The following CCDC57 variants were observed in gnomAD, a reference collection of about 807,000 sequenced individuals.
CCDC57 encodes coiled-coil domain containing 57, also known as coiled-coil domain-containing protein 57.
Under a neutral mutation model 118.9 loss-of-function variants are expected in CCDC57, and 118 were observed. That is an observed-to-expected ratio of 0.99 (90% CI 0.86 to 1.16). The LOEUF is 1.16. Ranked by LOEUF, CCDC57 falls within the 50% of genes most tolerant of loss-of-function variation. CCDC57 has a pLI of 0.00. For missense variants in CCDC57, 1,300 were observed against 1,320.7 expected (o/e 0.98, Z 0.24); for synonymous variants, 527 against 532.9 (o/e 0.99, Z 0.15).
rs779310781 is a variant in CCDC57, at chr17:82,188,407, G to C, written c.864C>G (p.Leu288=). The C allele has an allele frequency of 3.1e-6, 5 of 1,610,952 alleles. No individual in the cohort carries two copies. The South Asian group carries it at 5.5e-5, about 18-fold the overall frequency. Residue 288 remains leucine (L), a synonymous_variant, in exon 8 of 20, where the codon CTC becomes CTG. Coordinates refer to ENST00000665763, the Ensembl canonical transcript of CCDC57. ...CATCCTTCTCCCTGGCCAGACGGTC[G>C]AGCTCCTCATGCCTGAAACACAGTG...
chr17:82,107,600 A>C (rs766259908), intron 19 of CCDC57: 40 of 470,548 alleles, frequency 8.5e-5, no homozygotes, highest in South Asian at 6.0e-4. Context: ...GTTGGTCTGC[A>C]GGTTCCAGAA....
chr17:82,108,119 C>T (rs2034995579), intron 19 of CCDC57, among the ~76,000 whole-genome samples: 1 of 152,240 alleles, frequency 6.6e-6, no homozygotes, highest in South Asian at 2.1e-4. Flanking sequence ...AGCTCAGAGT[C>T]AGAGGCCACA....
chr17:82,179,300 A>G (rs1471139610), intron 9 of CCDC57, 111 bp from the exon 9 acceptor site: 2 of 1,201,026 alleles, frequency 1.7e-6, no homozygotes, highest in South Asian at 1.5e-5. Context: ...CTGCTCTCGC[A>G]TGGCCTGCGC....
exon 15 of CCDC57, chr17:82,157,783 G>A (rs1377438657): frequency 1.2e-6 from 2 of 1,604,730 alleles, no homozygotes; most frequent in Non-Finnish European, 1.7e-6. Flanking sequence ...GAGGCTGGGG[G>A]CTGCTTCCTG....
At chr17:82,151,238 C>T (rs141281184) in intron 16 of CCDC57, among the ~76,000 whole-genome samples, 1,519 of 147,564 alleles carry the variant, frequency 0.01, 39 homozygotes, top group African/African-American at 0.037. Flanking sequence ...ACCTGGCACA[C>T]ACCCAGAACC....
chr17:82,116,887 G>A (rs767078926), intron 19 of CCDC57, among the ~76,000 whole-genome samples: 45 of 152,190 alleles, frequency 3.0e-4, no homozygotes, highest in Non-Finnish European at 4.9e-4. Context: ...GGCCCTCTCC[G>A]GAAAGCTCCT....
chr17:82,148,389 ATGAATGGGTGGG>A (rs2041235779), intron 16 of CCDC57, among the ~76,000 whole-genome samples: 1 of 8,716 alleles, frequency 1.1e-4, no homozygotes, highest in Non-Finnish European at 1.9e-4. Context: ...GGGTGAATGG[ATGAATGGGTGGG>A]TGGATGGATG....
intron 14 of CCDC57, among the ~76,000 whole-genome samples, chr17:82,161,458 C>T (rs2043322341): frequency 6.6e-6 from 1 of 152,180 alleles, no homozygotes; most frequent in African/African-American, 2.4e-5. Flanking sequence ...TACACAGGAA[C>T]ATTCACAGCA....
At chr17:82,134,157 C>A in exon 17 of CCDC57, 1 of 1,366,246 alleles carries the variant, frequency 7.3e-7, no homozygotes, top group Non-Finnish European at 9.5e-7. Context: ...GCTTCCGGGC[C>A]TCAGGGGCAG....
chr17:82,200,535 G>C (rs2048871005), intron 3 of CCDC57, among the ~76,000 whole-genome samples: 1 of 152,106 alleles, frequency 6.6e-6, no homozygotes. Context: ...TATAATCCCA[G>C]CACTTCAGGA....
At chr17:82,113,923 G>T (rs1328243215) in intron 19 of CCDC57, among the ~76,000 whole-genome samples, 1 of 152,170 alleles carries the variant, frequency 6.6e-6, no homozygotes, top group East Asian at 1.9e-4. Flanking sequence ...TCTGGCCTGG[G>T]CAACAGAGCG....
At chr17:82,199,850 G>A (rs897109965) in intron 3 of CCDC57, among the ~76,000 whole-genome samples, 1 of 152,126 alleles carries the variant, frequency 6.6e-6, no homozygotes, top group Non-Finnish European at 1.5e-5. Flanking sequence ...GTGGCACACG[G>A]GTGTCTACCA....
chr17:82,104,382 C>G (rs916827564), intron 19 of CCDC57, among the ~76,000 whole-genome samples: 2 of 152,298 alleles, frequency 1.3e-5, no homozygotes, highest in Middle Eastern at 6.8e-3. Context: ...CTGAAACATC[C>G]AAGGCCTTGC....
At chr17:82,105,508 T>G (rs2144870471) in intron 19 of CCDC57, among the ~76,000 whole-genome samples, 2 of 152,142 alleles carry the variant, frequency 1.3e-5, no homozygotes, top group Middle Eastern at 6.8e-3. Context: ...GCGTGCACCT[T>G]TCCAGGGTCC....
At chr17:82,125,813 A>C (rs182596271) in intron 19 of CCDC57, among the ~76,000 whole-genome samples, 1 of 152,342 alleles carries the variant, frequency 6.6e-6, no homozygotes, top group East Asian at 1.9e-4. Flanking sequence ...AGTGACACTG[A>C]TTCTGACCCA....
At position 82,212,526 on chromosome 17, in the gene CCDC57, C is replaced by T. The variant is rs1439708280; in HGVS notation, c.-211+259G>A. ...GGCCCTGGTCGGCAGCGCCCACCGCCCCAGGTCACCCACGGGAGACCGAGG... is the reference window on the plus strand; with the variant it reads ...GGCCCTGGTCGGCAGCGCCCACCGCTCCAGGTCACCCACGGGAGACCGAGG... On this transcript the variant is annotated intron_variant, in intron 1 of 19. Transcript: ENST00000665763. The surrounding 1 kb of genome is among the most constrained non-coding windows in gnomAD (Gnocchi z 4.1). Among the ~76,000 whole-genome samples, 1 of 152,044 alleles carries T rather than the reference C, an allele frequency of 6.6e-6. No individual in the cohort carries two copies. Among genetic ancestry groups the T allele is most frequent in the Non-Finnish European group, 1.5e-5 (1 of 67,966 alleles).
intron 19 of CCDC57, among the ~76,000 whole-genome samples, chr17:82,121,494 G>A (rs1416929689): frequency 1.3e-5 from 2 of 152,248 alleles, no homozygotes; most frequent in Non-Finnish European, 2.9e-5. Flanking sequence ...CCACAGCCAG[G>A]AGATGGACAG....
intron 16 of CCDC57, among the ~76,000 whole-genome samples, chr17:82,148,793 T>TGGGTGGGTG (rs1362111674): frequency 0.07 from 1,171 of 16,738 alleles, no homozygotes; most frequent in Admixed American, 0.091. Flanking sequence ...GGTGGATAGA[T>TGGGTGGGTG]GGTAGATGGA....
intron 15 of CCDC57, 82 bp downstream of exon 14, chr17:82,157,666 G>T (rs1568302164): frequency 1.0e-5 from 15 of 1,496,202 alleles, no homozygotes; most frequent in Non-Finnish European, 1.3e-5. Flanking sequence ...CATACAGACA[G>T]CAACGCTGGC....
Sources: gnomAD v4.1 joint callset for allele counts (sites outside exome capture counted in the v4.1 genomes callset) on GRCh38, gnomAD v4.1.1 for gene constraint, Gnocchi (gnomAD v3.1) non-coding constraint, MANE v1.5 for transcripts, NCBI Gene and HGNC (gene_info 2026-07-23, HGNC 2026-07-21) for gene names.